The following KCNJ3 variants were observed in gnomAD, a reference collection of about 807,000 sequenced individuals.
The protein encoded by KCNJ3 is G protein-activated inward rectifier potassium channel 1.
Under a neutral mutation model 39.2 loss-of-function variants are expected in KCNJ3, and 4 were observed. The ratio of observed to expected loss-of-function variants is 0.10; its 90% CI spans 0.05 to 0.23. The LOEUF (loss-of-function observed/expected upper bound fraction) is 0.23, where lower values mean the gene tolerates loss of function less well. KCNJ3 is among the 10% of genes least tolerant of loss of function. The probability of loss-of-function intolerance (pLI) is 1.00; values close to 1 mark genes in which losing one functional copy is unlikely to be tolerated. For synonymous variants in KCNJ3, 230 were observed against 237.4 expected, an observed-to-expected ratio of 0.97 and a Z score of 0.29; for missense variants, 276 against 634.9, an observed-to-expected ratio of 0.43 and a Z score of 6.08.
At chr2:154,837,358 T>C (rs1169267891) in intron 2 of KCNJ3, among the ~76,000 whole-genome samples, 1 of 151,648 alleles carries the variant, frequency 6.6e-6, no homozygotes, top group Non-Finnish European at 1.5e-5. Flanking sequence ...TTTGTATGGA[T>C]GTTTCAAAGT....
intron 2 of KCNJ3, among the ~76,000 whole-genome samples, chr2:154,798,079 CCTACATGTACACAAAG>C (rs1686751097): frequency 6.6e-6 from 1 of 151,654 alleles, no homozygotes; most frequent in Non-Finnish European, 1.5e-5. Context: ...GTTTACACAC[CCTACATGTACACAAAG>C]CATTCACATA....
chr2:154,816,164 G>T (rs1687080106), intron 2 of KCNJ3, among the ~76,000 whole-genome samples: 1 of 152,094 alleles, frequency 6.6e-6, no homozygotes, highest in South Asian at 2.1e-4. Context: ...TAAATACAAA[G>T]GAGTAAATTA....
At position 154,799,288 on chromosome 2, in the gene KCNJ3, C is replaced by T. The variant is rs191259781; in HGVS notation, c.920-55439C>T. On this transcript the variant is annotated intron_variant, in intron 2 of 2. Coordinates refer to ENST00000295101, the MANE Select transcript of KCNJ3 (RefSeq NM_002239.4). ...TGGGATAGCTGGGGTTATAGGTGTG[C>T]GCCACCACGCCCAGCTAATTTTTGC... Among the ~76,000 whole-genome samples, 7 of 152,104 alleles carry T rather than the reference C, an allele frequency of 4.6e-5. No individual in the cohort carries two copies. The East Asian group carries it at 9.7e-4, about 21-fold the overall frequency.
intron 2 of KCNJ3, among the ~76,000 whole-genome samples, chr2:154,803,576 A>T (rs1051986355): frequency 1.3e-5 from 2 of 151,990 alleles, no homozygotes; most frequent in African/African-American, 4.8e-5. Context: ...AATCTAGTAT[A>T]ATGAAGCTTA....
intron 2 of KCNJ3, among the ~76,000 whole-genome samples, chr2:154,787,882 G>A (rs1686561394): frequency 6.6e-6 from 1 of 151,900 alleles, no homozygotes; most frequent in Admixed American, 6.6e-5. Context: ...AACTAAATGA[G>A]ATCTAGTACC....
intron 2 of KCNJ3, among the ~76,000 whole-genome samples, chr2:154,836,352 G>A (rs1056198744): frequency 6.6e-6 from 1 of 151,594 alleles, no homozygotes; most frequent in Non-Finnish European, 1.5e-5. Flanking sequence ...TCAATTTTAA[G>A]GAAGTCACTG....
intron 2 of KCNJ3, among the ~76,000 whole-genome samples, chr2:154,782,977 G>C (rs891497549): frequency 5.9e-5 from 9 of 152,100 alleles, no homozygotes; most frequent in Non-Finnish European, 1.2e-4. Context: ...AGGAGTTCGA[G>C]ACCAGCCTGC....
intron 2 of KCNJ3, among the ~76,000 whole-genome samples, chr2:154,803,161 C>T (rs1686849437): frequency 6.6e-6 from 1 of 151,750 alleles, no homozygotes; most frequent in African/African-American, 2.4e-5. Flanking sequence ...CAGATTCTAT[C>T]AATAAAAAGT....
chr2:154,757,256 A>T (rs1176903755), intron 2 of KCNJ3, among the ~76,000 whole-genome samples: 3 of 152,134 alleles, frequency 2.0e-5, no homozygotes, highest in African/African-American at 4.8e-5. Context: ...AAGATGAGCA[A>T]CTAAGGAAAG....
chr2:154,838,793 A>C (rs1053224121), intron 2 of KCNJ3, among the ~76,000 whole-genome samples: 4 of 152,214 alleles, frequency 2.6e-5, no homozygotes, highest in African/African-American at 7.2e-5. Context: ...TGTACTTTGC[A>C]TGTAACATTT....
chr2:154,706,150 G>A (rs753814948), intron 1 of KCNJ3, among the ~76,000 whole-genome samples: 4 of 151,796 alleles, frequency 2.6e-5, no homozygotes, highest in African/African-American at 7.3e-5. Context: ...TTTAGCGATC[G>A]CTTTGAATTT....
intron 2 of KCNJ3, among the ~76,000 whole-genome samples, chr2:154,725,457 G>C (rs1685337319): frequency 6.6e-6 from 1 of 150,972 alleles, no homozygotes; most frequent in South Asian, 2.1e-4. Context: ...GTGTCATTTT[G>C]TCTTCCATTT....
At chr2:154,790,935 G>T (rs528318767) in intron 2 of KCNJ3, among the ~76,000 whole-genome samples, 1 of 152,150 alleles carries the variant, frequency 6.6e-6, no homozygotes, top group Admixed American at 6.6e-5. Context: ...AATAATAAGA[G>T]ATTACCAATA....
At chr2:154,790,866 A>G (rs1686616798) in intron 2 of KCNJ3, among the ~76,000 whole-genome samples, 1 of 152,104 alleles carries the variant, frequency 6.6e-6, no homozygotes, top group Admixed American at 6.6e-5. Flanking sequence ...TTTGACAAGG[A>G]ATGGGGTAGT....
intron 2 of KCNJ3, among the ~76,000 whole-genome samples, chr2:154,842,507 G>A (rs772845943): frequency 5.1e-4 from 78 of 152,164 alleles, no homozygotes; most frequent in Non-Finnish European, 9.7e-4. Context: ...TTAACCTTCT[G>A]TCTAGTTGAT....
chr2:154,715,995 A>G (rs769469020), intron 2 of KCNJ3, among the ~76,000 whole-genome samples: 11 of 152,150 alleles, frequency 7.2e-5, no homozygotes, highest in Non-Finnish European at 1.2e-4. Context: ...AGGCACATAT[A>G]TATCTGCTGG....
intron 2 of KCNJ3, among the ~76,000 whole-genome samples, chr2:154,762,073 A>G (rs1286087954): frequency 1.3e-5 from 2 of 152,202 alleles, no homozygotes; most frequent in African/African-American, 4.8e-5. Context: ...GCTGGAATAG[A>G]CAAGGAATGA....
chr2:154,789,744 G>T (rs1371523428), intron 2 of KCNJ3, among the ~76,000 whole-genome samples: 1 of 152,040 alleles, frequency 6.6e-6, no homozygotes, highest in East Asian at 1.9e-4. Context: ...TTGATGTTCA[G>T]TGTAAAAATG....
chr2:154,848,333 T>C (rs886377933), intron 2 of KCNJ3, among the ~76,000 whole-genome samples: 9 of 152,212 alleles, frequency 5.9e-5, no homozygotes, highest in Non-Finnish European at 1.3e-4. Context: ...AAATCTTATT[T>C]ACAGTTTTGC....
Sources: gnomAD v4.1 joint callset for allele counts (sites outside exome capture counted in the v4.1 genomes callset) on GRCh38, gnomAD v4.1.1 for gene constraint, MANE v1.5 for transcripts, NCBI Gene and HGNC (gene_info 2026-07-23, HGNC 2026-07-21) for gene names.